Variants in ARFIP1 observed in about 807,000 individuals in gnomAD.
ARFIP1 encodes the protein ARF interacting protein 1.
In ARFIP1, 24 loss-of-function variants were observed where a neutral mutation model predicts 42.5. The observed-to-expected ratio is 0.57, with a 90% CI of 0.41 to 0.80. ARFIP1 has a LOEUF of 0.80. Ranked by LOEUF, ARFIP1 falls within the 30% of genes least tolerant of loss-of-function variation. ARFIP1 has a pLI of 0.00. For synonymous variants in ARFIP1, 141 were observed against 153.7 expected, an observed-to-expected ratio of 0.92 and a Z score of 0.61; for missense variants, 354 against 434.0, an observed-to-expected ratio of 0.82 and a Z score of 1.64.
At chr4:152,854,307 A>G (rs1733245360) in intron 2 of ARFIP1, among the ~76,000 whole-genome samples, 1 of 152,112 alleles carries the variant, frequency 6.6e-6, no homozygotes, top group African/African-American at 2.4e-5. Flanking sequence ...CAATTCCAGA[A>G]TTTCCGTTTG....
intron 5 of ARFIP1, among the ~76,000 whole-genome samples, chr4:152,874,980 A>G (rs1735203356): frequency 6.6e-6 from 1 of 152,136 alleles, no homozygotes; most frequent in Non-Finnish European, 1.5e-5. Flanking sequence ...TTACTCTTGA[A>G]TAACTTGATT....
intron 1 of ARFIP1, among the ~76,000 whole-genome samples, chr4:152,788,479 A>G (rs1392346831): frequency 3.3e-5 from 5 of 152,284 alleles, no homozygotes; most frequent in African/African-American, 1.2e-4. Context: ...CAGGAGTTCA[A>G]GACCAGCCTG....
At chr4:152,794,039 A>G (rs1192955120) in intron 1 of ARFIP1, among the ~76,000 whole-genome samples, 2 of 152,110 alleles carry the variant, frequency 1.3e-5, no homozygotes, top group East Asian at 3.8e-4. Context: ...CTAATTTTAG[A>G]CTTGCGGAAG....
intron 1 of ARFIP1, 40 bp from the exon 2 acceptor site, chr4:152,829,585 T>C (rs771491000): frequency 2.2e-6 from 3 of 1,361,982 alleles, no homozygotes; most frequent in Non-Finnish European, 3.1e-6. Flanking sequence ...CTTTATGATT[T>C]GGTATTAGTT....
chr4:152,819,490 C>T (rs1164135599), intron 1 of ARFIP1, among the ~76,000 whole-genome samples: 1 of 152,182 alleles, frequency 6.6e-6, no homozygotes, highest in East Asian at 1.9e-4. Flanking sequence ...GGTTACGTCA[C>T]TGAATCTACT....
chr4:152,808,528 A>T (rs1341938278), intron 1 of ARFIP1, among the ~76,000 whole-genome samples: 1 of 151,646 alleles, frequency 6.6e-6, no homozygotes, highest in African/African-American at 2.4e-5. Context: ...GTTATAGGAT[A>T]GTCGTATGTT....
At chr4:152,896,516 G>T (rs987687080) in intron 8 of ARFIP1, among the ~76,000 whole-genome samples, 2 of 152,088 alleles carry the variant, frequency 1.3e-5, no homozygotes, top group African/African-American at 4.8e-5. Flanking sequence ...ACAGTATCTT[G>T]TATGTAAGAA....
chr4:152,882,411 A>G (rs973719041), intron 6 of ARFIP1, among the ~76,000 whole-genome samples: 3 of 152,192 alleles, frequency 2.0e-5, no homozygotes, highest in Non-Finnish European at 4.4e-5. Context: ...TCTTTCCAAC[A>G]GCTGTGCTTA....
chr4:152,834,556 G>C (rs1481835126), intron 2 of ARFIP1, among the ~76,000 whole-genome samples: 1 of 152,186 alleles, frequency 6.6e-6, no homozygotes, highest in African/African-American at 2.4e-5. Context: ...AACCCAGCAG[G>C]GAAATCATTA....
chr4:152,838,894 C>T (rs541407285), intron 2 of ARFIP1, among the ~76,000 whole-genome samples: 9 of 152,236 alleles, frequency 5.9e-5, no homozygotes, highest in African/African-American at 1.9e-4. Flanking sequence ...TTTCCCCATT[C>T]AGTATTATGT....
intron 1 of ARFIP1, among the ~76,000 whole-genome samples, chr4:152,791,156 G>A (rs1554020625): frequency 6.6e-6 from 1 of 152,116 alleles, no homozygotes; most frequent in African/African-American, 2.4e-5. Flanking sequence ...AAAGACAGAA[G>A]AATAATGTAA....
chr4:152,843,340 T>C (rs777785619), intron 2 of ARFIP1, among the ~76,000 whole-genome samples: 3 of 152,202 alleles, frequency 2.0e-5, no homozygotes, highest in Non-Finnish European at 4.4e-5. Flanking sequence ...TGCAATGGAC[T>C]CCATGAGGGT....
At chr4:152,809,390 C>G (rs1463172011) in intron 1 of ARFIP1, among the ~76,000 whole-genome samples, 2 of 152,132 alleles carry the variant, frequency 1.3e-5, no homozygotes, top group African/African-American at 4.8e-5. Context: ...TATATACATA[C>G]AATGAAATAT....
At chr4:152,876,729 G>A (rs558616540) in intron 5 of ARFIP1, among the ~76,000 whole-genome samples, 2 of 152,338 alleles carry the variant, frequency 1.3e-5, no homozygotes, top group South Asian at 4.1e-4. Context: ...AGGCCTGGAG[G>A]CCCAGGAGGA....
chr4:152,900,557 A>G (rs1737743441), intron 8 of ARFIP1, among the ~76,000 whole-genome samples: 1 of 152,036 alleles, frequency 6.6e-6, no homozygotes, highest in African/African-American at 2.4e-5. Flanking sequence ...CCACACCCAT[A>G]TTTTTATAGT....
In ARFIP1 at chr4:152,779,999, T is replaced by A. The variant is rs1730379961; in HGVS notation, c.-237T>A. On this transcript the variant is annotated 5_prime_UTR_variant, in exon 1 of 9. Coordinates refer to ENST00000353617, the MANE Select transcript of ARFIP1 (RefSeq NM_001025595.3). Reference sequence around the variant, plus strand: ...TGCTCTTGGTTCTGGTTCTGGAGGCTGGGTTGAGAGGTCGCCGGTCCGACT... The same window carrying A: ...TGCTCTTGGTTCTGGTTCTGGAGGCAGGGTTGAGAGGTCGCCGGTCCGACT... The A allele has an allele frequency of 6.6e-6, 1 of 152,548 alleles. No individual in the cohort carries two copies. Among genetic ancestry groups the A allele is most frequent in the Admixed American group, 6.5e-5 (1 of 15,278 alleles). 9.4% of individuals were successfully genotyped at this position (152,548 alleles called of 1,614,324 possible). A position where few individuals can be genotyped will look rare whatever the true frequency, so the allele number is the denominator to read the frequency against.
chr4:152,888,152 C>A lies in ARFIP1; in HGVS notation c.811C>A (p.Arg271Ser). The A allele has an allele frequency of 5.6e-6, 9 of 1,608,424 alleles. No homozygotes were observed. Among genetic ancestry groups the A allele is most frequent in the Non-Finnish European group, 7.6e-6 (9 of 1,177,888 alleles). Residue 271 changes from arginine (R) to serine (S), a missense_variant, in exon 8 of 9, where the codon CGC (arginine) becomes AGC (serine). Physicochemically the swap from Arg to Ser is moderately radical, Grantham distance 110. Coordinates refer to ENST00000353617, the MANE Select transcript of ARFIP1 (RefSeq NM_001025595.3). ...ESARIEYDAY[R>S]TDLEELNLGP... Reference sequence around the variant, plus strand: ...TTCCAGGATTGAATATGATGCATATCGCACTGATTTGGAAGAACTGAATCT... The same window carrying A: ...TTCCAGGATTGAATATGATGCATATAGCACTGATTTGGAAGAACTGAATCT...
chr4:152,842,981 G>A (rs1367789445), intron 2 of ARFIP1, among the ~76,000 whole-genome samples: 1 of 152,122 alleles, frequency 6.6e-6, no homozygotes, highest in African/African-American at 2.4e-5. Context: ...TTGGGGGGAT[G>A]TTGAAGAGCC....
chr4:152,820,879 C>CA (rs1561121554), intron 1 of ARFIP1, among the ~76,000 whole-genome samples: 2 of 152,212 alleles, frequency 1.3e-5, no homozygotes, highest in Non-Finnish European at 2.9e-5. Context: ...GGAACTCATA[C>CA]AGAGTCTTCA....
Sources: allele counts gnomAD v4.1 joint callset (sites outside exome capture counted in the v4.1 genomes callset), GRCh38; gene constraint gnomAD v4.1.1; transcripts MANE v1.5; gene names NCBI Gene and HGNC (gene_info 2026-07-23, HGNC 2026-07-21).